Variants in SDK1 observed in about 807,000 individuals in gnomAD.
SDK1 encodes protein sidekick-1.
In SDK1, 157 loss-of-function variants were observed where a neutral mutation model predicts 245.5. That is an observed-to-expected ratio of 0.64 (90% CI 0.56 to 0.73). SDK1 has a LOEUF of 0.73. SDK1 is among the 30% of genes least tolerant of loss of function. The probability of loss-of-function intolerance (pLI) is 0.00; values close to 1 mark genes in which losing one functional copy is unlikely to be tolerated. For missense variants in SDK1, 3,583 were observed against 3,002.3 expected (o/e 1.19, Z -4.52); for synonymous variants, 1,647 against 1,278.5 (o/e 1.29, Z -6.15).
intron 5 of SDK1, among the ~76,000 whole-genome samples, chr7:3,879,991 T>C (rs1157851233): frequency 1.3e-5 from 2 of 152,174 alleles, no homozygotes. Context: ...ATCAAGGCTG[T>C]ATTAATCTTC....
At chr7:3,398,175 T>TC (rs1310564490) in intron 1 of SDK1, among the ~76,000 whole-genome samples, 3 of 152,108 alleles carry the variant, frequency 2.0e-5, no homozygotes, top group Non-Finnish European at 2.9e-5. Flanking sequence ...GGCTTTAGTT[T>TC]CCCGTAGTAT....
chr7:3,956,428 A>C (rs1781267362), intron 7 of SDK1, among the ~76,000 whole-genome samples: 1 of 152,200 alleles, frequency 6.6e-6, no homozygotes, highest in Non-Finnish European at 1.5e-5. Context: ...AAGGGTTGGC[A>C]GGGAGAGAAC....
intron 20 of SDK1, among the ~76,000 whole-genome samples, chr7:4,076,573 T>TAC: frequency 6.6e-6 from 1 of 152,022 alleles, no homozygotes; most frequent in Non-Finnish European, 1.5e-5. Context: ...CATACATACA[T>TAC]ATATACATAC....
chr7:3,302,257 T>A (rs946049621), intron 1 of SDK1: 4 of 152,354 alleles, frequency 2.6e-5, no homozygotes, highest in African/African-American at 9.7e-5. Context: ...GGGTCTGGTT[T>A]CCGGTGAGTG....
intron 1 of SDK1, among the ~76,000 whole-genome samples, chr7:3,482,411 G>A (rs1007190132): frequency 6.6e-6 from 1 of 152,138 alleles, no homozygotes; most frequent in African/African-American, 2.4e-5. Context: ...TCCGGAGATA[G>A]GCAATAAAGC....
chr7:4,118,659 G>A (rs1434975611), intron 25 of SDK1, among the ~76,000 whole-genome samples: 4 of 124,170 alleles, frequency 3.2e-5, no homozygotes, highest in South Asian at 2.8e-4. Context: ...CATAGTAGCC[G>A]AAAAGTGGAA....
intron 1 of SDK1, among the ~76,000 whole-genome samples, chr7:3,487,867 A>G (rs897110118): frequency 6.6e-6 from 1 of 152,080 alleles, no homozygotes; most frequent in Non-Finnish European, 1.5e-5. Context: ...GGTGTTGAGC[A>G]AGGCAGGTTC....
intron 20 of SDK1, among the ~76,000 whole-genome samples, chr7:4,068,508 C>G (rs567852500): frequency 1.3e-5 from 2 of 152,152 alleles, no homozygotes; most frequent in Non-Finnish European, 2.9e-5. Flanking sequence ...GGTCTTCTGA[C>G]TCCAGATCCC....
Position 4,220,116 on chromosome 7 carries a change from C to G in SDK1, c.5547C>G (p.Ser1849Arg), listed in dbSNP as rs766075497. ...TGCTTCTGGCGGCTGCAGGGGTGAGCAAGGTGGTGACCGTGGAAGTGAGAG... is the reference window on the plus strand; with the variant it reads ...TGCTTCTGGCGGCTGCAGGGGTGAGGAAGGTGGTGACCGTGGAAGTGAGAG... ...YEPLAPVQGV[S>R]KVVTVEVRGN... The change falls in exon 39 of 45, where the codon AGC becomes AGG. Residue 1849 changes from serine to arginine, a missense_variant. Ser to Arg is a moderately radical substitution (Grantham distance 110). Coordinates refer to ENST00000404826, the MANE Select transcript of SDK1 (RefSeq NM_152744.4). The G allele has an allele frequency of 6.2e-7, 1 of 1,613,656 alleles. No individual in the cohort carries two copies. Among genetic ancestry groups the G allele is most frequent in the Non-Finnish European group, 8.5e-7 (1 of 1,179,728 alleles).
At chr7:3,459,190 A>C (rs1432846563) in intron 1 of SDK1, among the ~76,000 whole-genome samples, 1 of 152,066 alleles carries the variant, frequency 6.6e-6, no homozygotes, top group Non-Finnish European at 1.5e-5. Flanking sequence ...ATTGCATGAG[A>C]AGTTTTGTCT....
intron 4 of SDK1, among the ~76,000 whole-genome samples, chr7:3,666,358 A>G (rs1255460212): frequency 6.6e-6 from 1 of 152,172 alleles, no homozygotes; most frequent in African/African-American, 2.4e-5. Flanking sequence ...GACTTTGCAC[A>G]TGCCGTCCCC....
At chr7:3,969,028 A>AT (rs1583670080) in intron 10 of SDK1, among the ~76,000 whole-genome samples, 1 of 152,168 alleles carries the variant, frequency 6.6e-6, no homozygotes, top group African/African-American at 2.4e-5. Flanking sequence ...AAACCATCAG[A>AT]TCTCATGAGA....
intron 1 of SDK1, among the ~76,000 whole-genome samples, chr7:3,346,827 ATTTTTTTT>A (rs1163275778): frequency 3.1e-4 from 5 of 16,382 alleles, no homozygotes; most frequent in Admixed American, 1.1e-3. Context: ...ATATATATAT[ATTTTTTTT>A]TTTTTTTTTT....
At chr7:3,601,948 A>C (rs926969223) in intron 1 of SDK1, among the ~76,000 whole-genome samples, 1 of 150,726 alleles carries the variant, frequency 6.6e-6, no homozygotes, top group Non-Finnish European at 1.5e-5. Context: ...TGTCCTTGTG[A>C]TATTTTGCTG....
chr7:3,349,631 G>T (rs1780604036), intron 1 of SDK1, among the ~76,000 whole-genome samples: 1 of 152,042 alleles, frequency 6.6e-6, no homozygotes, highest in Admixed American at 6.6e-5. Context: ...ACGTAGTCTG[G>T]CTCGGTCGCC....
At chr7:3,554,144 C>T (rs1012848050) in intron 1 of SDK1, among the ~76,000 whole-genome samples, 1 of 152,164 alleles carries the variant, frequency 6.6e-6, no homozygotes, top group East Asian at 1.9e-4. Context: ...CACCCAGAAA[C>T]CACAGAATAC....
chr7:4,157,164 A>C (rs987475430), intron 30 of SDK1, among the ~76,000 whole-genome samples: 1 of 152,056 alleles, frequency 6.6e-6, no homozygotes, highest in African/African-American at 2.4e-5. Context: ...CATTGTCTGC[A>C]CGGAAGAGTT....
intron 35 of SDK1, among the ~76,000 whole-genome samples, chr7:4,185,206 G>C (rs1782817280): frequency 6.6e-6 from 1 of 152,218 alleles, no homozygotes; most frequent in Middle Eastern, 3.2e-3. Context: ...CTGATAGGCA[G>C]AGTTTGACTA....
chr7:3,761,675 G>A (rs1487623647), intron 4 of SDK1, among the ~76,000 whole-genome samples: 2 of 151,764 alleles, frequency 1.3e-5, no homozygotes, highest in African/African-American at 4.8e-5. Flanking sequence ...AGAGAACACA[G>A]GAATGACTCA....
Sources: gnomAD v4.1 joint callset for allele counts (sites outside exome capture counted in the v4.1 genomes callset) on GRCh38, gnomAD v4.1.1 for gene constraint, MANE v1.5 for transcripts, NCBI Gene and HGNC (gene_info 2026-07-23, HGNC 2026-07-21) for gene names.